The following KCNV2 variants were observed in gnomAD, a reference collection of about 807,000 sequenced individuals.
The protein encoded by KCNV2 is potassium voltage-gated channel subfamily V member 2.
A neutral mutation model predicts 37.0 loss-of-function variants in KCNV2; 65 were observed. The observed-to-expected ratio is 1.76, with a 90% CI of 1.44 to 2.16. The LOEUF (loss-of-function observed/expected upper bound fraction) is 2.16. Among genes scored for constraint, KCNV2 ranks in the 30% most tolerant of loss-of-function variants. The probability of loss-of-function intolerance (pLI) is 0.00; values close to 1 mark genes in which losing one functional copy is unlikely to be tolerated. For missense variants in KCNV2, 1,232 were observed against 766.7 expected, an observed-to-expected ratio of 1.61 and a Z score of -7.17; for synonymous variants, 518 against 328.6, an observed-to-expected ratio of 1.58 and a Z score of -6.23.
Position 2,717,842 on chromosome 9 carries a change from G to A in KCNV2, c.103G>A (p.Ala35Thr), listed in dbSNP as rs771666119. The change falls in exon 1 of 2, where the codon GCC becomes ACC. Residue 35 changes from alanine (A) to threonine (T), a missense_variant. Transcript: ENST00000382082. Reference sequence around the variant, plus strand: ...CCGCAGGAGCATTTGCTCCCTGGGTGCCCGTTCCGGCTCCCAGGCCAGCAT... The same window carrying A: ...CCGCAGGAGCATTTGCTCCCTGGGTACCCGTTCCGGCTCCCAGGCCAGCAT... ...QHRRSICSLG[A>T]RSGSQASIHG... 6.2e-7 allele frequency: 1 copy of A among 1,614,216 alleles called. No individual in the cohort carries two copies. Among genetic ancestry groups the A allele is most frequent in the Non-Finnish European group, 8.5e-7 (1 of 1,180,026 alleles).
At position 2,717,716 on chromosome 9, in the gene KCNV2, G is replaced by A. The variant is rs1281341969; in HGVS notation, c.-24G>A. 1 of 1,614,028 alleles carries A rather than the reference G, an allele frequency of 6.2e-7. No individual in the cohort carries two copies. The highest frequency in any genetic ancestry group is 8.5e-7 in the Non-Finnish European group (1 of 1,180,042). ...CCCCTACCACAGCCAGGAGGAAAAA[G>A]CTAGGCGTCCACTTTCCGCAGCCAT... On this transcript the variant is annotated 5_prime_UTR_variant, in exon 1 of 2. Coordinates refer to ENST00000382082, the MANE Select transcript of KCNV2 (RefSeq NM_133497.4).
At position 2,717,536 on chromosome 9, in the gene KCNV2, A is replaced by C. The variant is rs886063816; in HGVS notation, c.-204A>C. 6.0e-5 allele frequency: 37 copies of C among 617,182 alleles called. No individual in the cohort carries two copies. The highest frequency in any genetic ancestry group is 1.5e-4 in the South Asian group (8 of 51,984). 38.2% of individuals were successfully genotyped at this position (617,182 alleles called of 1,614,324 possible). ...GAGCAGTCAACAGCTGACTGCGTTC[A>C]GACCCTGCAGGCTGGGCTGGCCTGC... is the stretch of plus-strand genomic sequence containing the variant. On this transcript the variant is annotated 5_prime_UTR_variant, in exon 1 of 2. Coordinates refer to ENST00000382082, the MANE Select transcript of KCNV2 (RefSeq NM_133497.4).
Position 2,717,538 on chromosome 9 carries a change from A to G in KCNV2, c.-202A>G. On this transcript the variant is annotated 5_prime_UTR_variant, in exon 1 of 2. Transcript: ENST00000382082. ...GCAGTCAACAGCTGACTGCGTTCAG[A>G]CCCTGCAGGCTGGGCTGGCCTGCCC... The G allele has an allele frequency of 1.6e-6, 1 of 620,720 alleles. No individual in the cohort carries two copies. Among genetic ancestry groups the G allele is most frequent in the South Asian group, 1.9e-5 (1 of 52,198 alleles). 38.5% of individuals were successfully genotyped at this position (620,720 alleles called of 1,614,324 possible). A position where few individuals can be genotyped will look rare whatever the true frequency, so the allele number is the denominator to read the frequency against.
chr9:2,718,405 G>C lies in KCNV2; in HGVS notation c.666G>C (p.Ala222=), dbSNP rs746837965. Residue 222 remains alanine, a synonymous_variant, in exon 1 of 2, where the codon GCG becomes GCC. Coordinates refer to ENST00000382082, the MANE Select transcript of KCNV2 (RefSeq NM_133497.4). ...ERLKIQHELR[A]QAQVEEAEEL... is the part of the protein sequence containing the mutation. ...TCAAGATCCAGCACGAGCTGCGCGCGCAGGCGCAGGTCGAGGAGGCGGAGG... is the reference window on the plus strand; with the variant it reads ...TCAAGATCCAGCACGAGCTGCGCGCCCAGGCGCAGGTCGAGGAGGCGGAGG... The C allele has an allele frequency of 3.9e-5, 63 of 1,602,048 alleles. No homozygotes were observed. The highest frequency in any genetic ancestry group is 5.2e-5 in the Non-Finnish European group (61 of 1,175,400).
At chr9:2,726,619 T>A (rs1819971612) in intron 1 of KCNV2, among the ~76,000 whole-genome samples, 1 of 152,134 alleles carries the variant, frequency 6.6e-6, no homozygotes, top group South Asian at 2.1e-4. Flanking sequence ...ATCCCCGCCA[T>A]CCTGAACCCT....
chr9:2,726,723 G>C (rs531783262), intron 1 of KCNV2, among the ~76,000 whole-genome samples: 21 of 152,218 alleles, frequency 1.4e-4, no homozygotes, highest in African/African-American at 4.8e-4. Flanking sequence ...CTGTGGAGTG[G>C]TACTTGTCTG....
intron 1 of KCNV2, 126 bp downstream of exon 1, chr9:2,719,221 C>A: frequency 9.7e-7 from 1 of 1,026,752 alleles, no homozygotes; most frequent in Non-Finnish European, 1.5e-6. Context: ...CCCCCAATCG[C>A]CGCATACAGC....
At chr9:2,721,355 C>T (rs1819864455) in intron 1 of KCNV2, among the ~76,000 whole-genome samples, 1 of 152,150 alleles carries the variant, frequency 6.6e-6, no homozygotes, top group African/African-American at 2.4e-5. Flanking sequence ...ATTCTAAGAC[C>T]GCTCTGTTCC....
intron 1 of KCNV2, among the ~76,000 whole-genome samples, chr9:2,723,361 C>A (rs1419008332): frequency 6.6e-6 from 1 of 152,126 alleles, no homozygotes; most frequent in African/African-American, 2.4e-5. Flanking sequence ...AATAATCTTT[C>A]TTCTCTCTAT....
chr9:2,721,373 T>A (rs939333867), intron 1 of KCNV2, among the ~76,000 whole-genome samples: 5 of 152,228 alleles, frequency 3.3e-5, no homozygotes, highest in African/African-American at 1.2e-4. Flanking sequence ...TCCCCAGGAC[T>A]GCTATGTTAT....
In KCNV2 at chr9:2,718,381, C is replaced by T; in HGVS notation, c.642C>T (p.Leu214=). The change falls in exon 1 of 2, where the codon CTC becomes CTT. Residue 214 remains leucine, a synonymous_variant. Transcript: ENST00000382082. ...EERRDELSER[L]KIQHELRAQA... ...GGCGCGACGAGCTGAGCGAACGGCT[C>T]AAGATCCAGCACGAGCTGCGCGCGC... 1 of 1,600,572 alleles carries T rather than the reference C, an allele frequency of 6.2e-7. No homozygotes were observed. The highest frequency in any genetic ancestry group is 8.5e-7 in the Non-Finnish European group (1 of 1,175,030).
At chr9:2,720,627 G>C (rs1405040125) in intron 1 of KCNV2, 1 of 152,206 alleles carries the variant, frequency 6.6e-6, no homozygotes, top group Non-Finnish European at 1.5e-5. Context: ...AAGCAGGAAA[G>C]CAGAAGAGTA....
At chr9:2,720,110 A>G (rs1033232676) in intron 1 of KCNV2, among the ~76,000 whole-genome samples, 1 of 152,200 alleles carries the variant, frequency 6.6e-6, no homozygotes, top group Non-Finnish European at 1.5e-5. Context: ...TTAAGCAAAT[A>G]TAACTAGTTT....
At chr9:2,726,319 A>C (rs1419264418) in intron 1 of KCNV2, among the ~76,000 whole-genome samples, 1 of 152,212 alleles carries the variant, frequency 6.6e-6, no homozygotes. Context: ...GTACATTTTC[A>C]ACAAATTATT....
intron 1 of KCNV2, 67 bp from the exon 2 acceptor site, chr9:2,729,379 C>G: frequency 2.5e-6 from 4 of 1,568,742 alleles, no homozygotes; most frequent in South Asian, 1.1e-5. Flanking sequence ...CCTGCTTGCT[C>G]CTCTCCCTTT....
chr9:2,718,048 G>A lies in KCNV2; in HGVS notation c.309G>A (p.Val103=), dbSNP rs775691897. The change falls in exon 1 of 2, where the codon GTG becomes GTA. Residue 103 remains valine, a synonymous_variant. Coordinates refer to ENST00000382082, the MANE Select transcript of KCNV2 (RefSeq NM_133497.4). The stretch of plus-strand genomic sequence containing the variant: ...TGCTGTCCACGCTGAATGTGAACGT[G>A]GGTGGCCACAGCTACCAGCTGGACT... ...PALLSTLNVN[V]GGHSYQLDYC... The A allele has an allele frequency of 6.2e-7, 1 of 1,609,690 alleles. No homozygotes were observed.
Position 2,729,685 on chromosome 9 carries a change from GC to G in KCNV2, c.1597del (p.Gly534GlufsTer16). On this transcript the variant is annotated frameshift_variant, in exon 2 of 2. Transcript: ENST00000382082. LOFTEE classifies it high-confidence loss of function. ...RARKKIAECL[L>X]GSNPQLTPRQ... ...CCAGAAAGAAGATAGCTGAGTGTTTGCTTGGAAGCAACCCACAGCTCACCCC... is the reference window on the plus strand; with the variant it reads ...CCAGAAAGAAGATAGCTGAGTGTTTGTTGGAAGCAACCCACAGCTCACCCC... 1 of 1,614,104 alleles carries G rather than the reference GC, an allele frequency of 6.2e-7. No homozygotes were observed.
In KCNV2 at chr9:2,718,871, G is replaced by GTCATGCGCC. The variant is rs745311059; in HGVS notation, c.1141_1149dup (p.Leu381_Arg383dup). 428 of 1,608,864 alleles carry GTCATGCGCC rather than the reference G, an allele frequency of 2.7e-4. No individual in the cohort carries two copies. Among genetic ancestry groups the GTCATGCGCC allele is most frequent in the Non-Finnish European group, 3.4e-4 (407 of 1,179,980 alleles). On this transcript the variant is annotated inframe_insertion, in exon 1 of 2. Transcript: ENST00000382082. Reference sequence around the variant, plus strand: ...GGGTAAGGTGGGTCAGGTGTTGCGCGTCATGCGCCTCATGCGCATCTTCCG... The same window carrying GTCATGCGCC: ...GGGTAAGGTGGGTCAGGTGTTGCGCGTCATGCGCCTCATGCGCCTCATGCGCATCTTCCG...
chr9:2,722,645 C>A (rs112580315), intron 1 of KCNV2, among the ~76,000 whole-genome samples: 1,524 of 137,956 alleles, frequency 0.011, 105 homozygotes, highest in African/African-American at 0.048. Flanking sequence ...ATTAGAAGTT[C>A]TTTATTGCCA....
Sources: gnomAD v4.1 joint callset for allele counts (sites outside exome capture counted in the v4.1 genomes callset) on GRCh38, gnomAD v4.1.1 for gene constraint, MANE v1.5 for transcripts, NCBI Gene and HGNC (gene_info 2026-07-23, HGNC 2026-07-21) for gene names.